SLCO1B1: variants seen among roughly 807,000 people sequenced by gnomAD.
The protein encoded by SLCO1B1 is OATP-2.
In SLCO1B1, 81 loss-of-function variants were observed where a neutral mutation model predicts 70.1. The observed-to-expected ratio is 1.16, with a 90% CI of 0.97 to 1.39. The LOEUF is 1.39. Among genes scored for constraint, SLCO1B1 ranks in the 40% most tolerant of loss-of-function variants. SLCO1B1 has a pLI of 0.00. For synonymous variants in SLCO1B1, 283 were observed against 271.5 expected (o/e 1.04, Z -0.42); for missense variants, 895 against 799.6 (o/e 1.12, Z -1.44).
At chr12:21,131,825 T>G (rs1013927056) in intron 1 of SLCO1B1, among the ~76,000 whole-genome samples, 2 of 151,874 alleles carry the variant, frequency 1.3e-5, no homozygotes, top group African/African-American at 2.4e-5. Flanking sequence ...TCAGTACAGT[T>G]TTTTTCTTTT....
chr12:21,137,822 C>T (rs1490694009), intron 1 of SLCO1B1, among the ~76,000 whole-genome samples: 3 of 152,218 alleles, frequency 2.0e-5, no homozygotes, highest in Non-Finnish European at 1.5e-5. Flanking sequence ...TTGGCTTGCG[C>T]ACGGTGCGCT....
In SLCO1B1 at chr12:21,149,654, G is replaced by A. The variant is rs140466394; in HGVS notation, c.84+7996G>A. 6.7e-3 allele frequency among the ~76,000 whole-genome samples: 1,018 copies of A among 152,248 alleles called. 12 individuals are homozygous for A. Among genetic ancestry groups the A allele is most frequent in the African/African-American group, 0.022 (934 of 41,550 alleles). Reference sequence around the variant, plus strand: ...AAGCCACGAGGGACTGTGCCCTGAGGAAAAGTGCATTCTGGTCCAGATACT... The same window carrying A: ...AAGCCACGAGGGACTGTGCCCTGAGAAAAAGTGCATTCTGGTCCAGATACT... On this transcript the variant is annotated intron_variant, in intron 2 of 14. Coordinates refer to ENST00000256958, the MANE Select transcript of SLCO1B1 (RefSeq NM_006446.5).
At chr12:21,232,741 AAGACAG>A (rs144681986) in intron 14 of SLCO1B1, among the ~76,000 whole-genome samples, 2 of 107,948 alleles carry the variant, frequency 1.9e-5, no homozygotes, top group Admixed American at 8.8e-5. Flanking sequence ...GAGACAGAGA[AAGACAG>A]AGACAGAGAC....
At chr12:21,234,676 A>G (rs1690618245) in intron 14 of SLCO1B1, among the ~76,000 whole-genome samples, 2 of 152,174 alleles carry the variant, frequency 1.3e-5, no homozygotes, top group Non-Finnish European at 2.9e-5. Flanking sequence ...ATAAGCATTT[A>G]GTGCAATAAA....
At chr12:21,186,717 T>C (rs1457793689) in intron 7 of SLCO1B1, among the ~76,000 whole-genome samples, 1 of 152,106 alleles carries the variant, frequency 6.6e-6, no homozygotes, top group African/African-American at 2.4e-5. Context: ...GCTGAGTCTA[T>C]GCCAGCAGGC....
rs764189987 is a variant in SLCO1B1 at position 21,179,009 on chromosome 12, A to C, written c.716A>C (p.Tyr239Ser). The C allele has an allele frequency of 5.6e-6, 9 of 1,598,888 alleles. No individual in the cohort carries two copies. The East Asian group carries it at 2.0e-4, about 36-fold the overall frequency. Reference protein sequence around the residue: ...LFSKMYVDIGYVDLSTIRITP... With the variant: ...LFSKMYVDIGSVDLSTIRITP... ...TCTAAAATGTACGTGGATATTGGAT[A>C]TGTAGATCTAAGTAAGTACAACCAG... Residue 239 changes from tyrosine to serine, a missense_variant, in exon 7 of 15, where the codon TAT (tyrosine) becomes TCT (serine). By Grantham distance (144) the Tyr-to-Ser change is moderately radical. Coordinates refer to ENST00000256958, the MANE Select transcript of SLCO1B1 (RefSeq NM_006446.5).
intron 11 of SLCO1B1, among the ~76,000 whole-genome samples, chr12:21,212,916 G>T (rs1164413067): frequency 6.6e-6 from 1 of 151,920 alleles, no homozygotes; most frequent in Non-Finnish European, 1.5e-5. Context: ...CCATTTGCTT[G>T]GTAGATCTTC....
At chr12:21,134,663 T>A (rs1454521552) in intron 1 of SLCO1B1, among the ~76,000 whole-genome samples, 1 of 152,224 alleles carries the variant, frequency 6.6e-6, no homozygotes, top group Non-Finnish European at 1.5e-5. Flanking sequence ...TGTATTTCTG[T>A]GGGATCGGTG....
intron 1 of SLCO1B1, among the ~76,000 whole-genome samples, chr12:21,133,488 C>A (rs531235015): frequency 2.0e-5 from 3 of 151,918 alleles, no homozygotes; most frequent in Non-Finnish European, 2.9e-5. Flanking sequence ...TCTATTTGTT[C>A]GTATCCTCTT....
chr12:21,203,988 T>G (rs1941185850), intron 10 of SLCO1B1, among the ~76,000 whole-genome samples: 3 of 152,078 alleles, frequency 2.0e-5, no homozygotes, highest in African/African-American at 7.2e-5. Flanking sequence ...AGAATTTGTT[T>G]CATTTAATAA....
In SLCO1B1 at chr12:21,209,506, C is replaced by A. The variant is rs1387936359; in HGVS notation, c.1497+3473C>A. Reference sequence around the variant, plus strand: ...CAAGTCTTTGCTATTGTGAATAATGCCACAATAAACATACGTGTGCATGTG... The same window carrying A: ...CAAGTCTTTGCTATTGTGAATAATGACACAATAAACATACGTGTGCATGTG... On this transcript the variant is annotated intron_variant, in intron 11 of 14. Coordinates refer to ENST00000256958, the MANE Select transcript of SLCO1B1 (RefSeq NM_006446.5). 2.0e-5 allele frequency among the ~76,000 whole-genome samples: 3 copies of A among 152,086 alleles called. No individual in the cohort carries two copies. In the East Asian group the frequency reaches 5.8e-4, roughly 29 times the overall value.
Position 21,225,724 on chromosome 12 carries a change from A to G in SLCO1B1, c.1865+885A>G, listed in dbSNP as rs963893574. Among the ~76,000 whole-genome samples, 5 of 151,372 alleles carry G rather than the reference A, an allele frequency of 3.3e-5. No homozygotes were observed. The South Asian group carries it at 1.0e-3, about 31-fold the overall frequency. On this transcript the variant is annotated intron_variant, in intron 14 of 14. Coordinates refer to ENST00000256958, the MANE Select transcript of SLCO1B1 (RefSeq NM_006446.5). ...ATATACGGAACTCTTAAACATCAGC[A>G]AAAAAACCATCCAATGCTGGCAAGG...
chr12:21,214,716 C>T (rs1298565647), intron 11 of SLCO1B1, among the ~76,000 whole-genome samples: 4 of 152,164 alleles, frequency 2.6e-5, no homozygotes, highest in Non-Finnish European at 4.4e-5. Flanking sequence ...ATCAGCGAGA[C>T]TCCATGGGCG....
chr12:21,131,690 A>C (rs1378132462), intron 1 of SLCO1B1, among the ~76,000 whole-genome samples: 1 of 151,904 alleles, frequency 6.6e-6, no homozygotes, highest in African/African-American at 2.4e-5. Context: ...GCAAACATAA[A>C]AAACAGGTGT....
intron 2 of SLCO1B1, among the ~76,000 whole-genome samples, chr12:21,165,810 C>A (rs981097860): frequency 6.6e-6 from 1 of 152,062 alleles, no homozygotes; most frequent in Non-Finnish European, 1.5e-5. Context: ...CATGCTGGCA[C>A]CCTTATCTCA....
intron 7 of SLCO1B1, among the ~76,000 whole-genome samples, chr12:21,188,088 G>A (rs781656556): frequency 1.3e-5 from 2 of 152,138 alleles, no homozygotes; most frequent in Non-Finnish European, 2.9e-5. Flanking sequence ...AGCATGTGTT[G>A]GAAGAAGGAT....
At chr12:21,139,663 T>G (rs1940279732) in intron 1 of SLCO1B1, among the ~76,000 whole-genome samples, 1 of 152,152 alleles carries the variant, frequency 6.6e-6, no homozygotes, top group South Asian at 2.1e-4. Flanking sequence ...AATTCCTTTG[T>G]AACACCAAAA....
intron 9 of SLCO1B1, 127 bp from the exon 10 acceptor site, chr12:21,202,364 C>A: frequency 1.5e-6 from 1 of 669,956 alleles, no homozygotes; most frequent in Non-Finnish European, 2.5e-6. Context: ...TATCCCAGAA[C>A]TTAAAGTAAA....
Position 21,217,138 on chromosome 12 carries a change from G to A in SLCO1B1, c.1517G>A (p.Cys506Tyr). 6.2e-7 allele frequency: 1 copy of A among 1,613,404 alleles called. No homozygotes were observed. The highest frequency in any genetic ancestry group is 8.5e-7 in the Non-Finnish European group (1 of 1,179,672). Residue 506 changes from cysteine to tyrosine, a missense_variant, in exon 12 of 15, where the codon TGT (cysteine) becomes TAT (tyrosine). Coordinates refer to ENST00000256958, the MANE Select transcript of SLCO1B1 (RefSeq NM_006446.5). Reference protein sequence around the residue: ...KKPIVFYNCSCLEVTGLQNRN... With the variant: ...KKPIVFYNCSYLEVTGLQNRN... The stretch of plus-strand genomic sequence containing the variant: ...CTTAAGGTGTTTTACAACTGCAGTT[G>A]TTTGGAAGTAACTGGTCTCCAGAAC...
Sources: allele counts gnomAD v4.1 joint callset (sites outside exome capture counted in the v4.1 genomes callset), GRCh38; gene constraint gnomAD v4.1.1; transcripts MANE v1.5; gene names NCBI Gene and HGNC (gene_info 2026-07-23, HGNC 2026-07-21).